Variants in TBC1D5 observed in about 807,000 individuals in gnomAD.
The protein encoded by TBC1D5 is TBC1 domain family, member 5.
In TBC1D5, 75 loss-of-function variants were observed where a neutral mutation model predicts 100.3. The ratio of observed to expected loss-of-function variants is 0.75; its 90% CI spans 0.62 to 0.91. The LOEUF (loss-of-function observed/expected upper bound fraction) is 0.91, where lower values mean the gene tolerates loss of function less well. Among genes scored for constraint, TBC1D5 ranks in the 40% least tolerant of loss-of-function variants. The pLI, the probability that TBC1D5 is intolerant of heterozygous loss-of-function variation, is 0.00. For synonymous variants in TBC1D5, 323 were observed against 325.6 expected, an observed-to-expected ratio of 0.99 and a Z score of 0.09; for missense variants, 910 against 942.4, an observed-to-expected ratio of 0.97 and a Z score of 0.45.
At chr3:17,329,883 A>G (rs570198487) in intron 13 of TBC1D5, among the ~76,000 whole-genome samples, 1 of 152,348 alleles carries the variant, frequency 6.6e-6, no homozygotes, top group South Asian at 2.1e-4. Context: ...GATAAAACAT[A>G]GCATTAATTT....
chr3:17,598,372 G>A (rs1230284317), intron 2 of TBC1D5, among the ~76,000 whole-genome samples: 1 of 152,098 alleles, frequency 6.6e-6, no homozygotes, highest in Admixed American at 6.5e-5. Flanking sequence ...CAAGATTTTT[G>A]AAGAAATTAT....
chr3:17,585,359 G>A (rs2096726532), intron 2 of TBC1D5, among the ~76,000 whole-genome samples: 1 of 152,060 alleles, frequency 6.6e-6, no homozygotes, highest in African/African-American at 2.4e-5. Context: ...AATTTAGACA[G>A]ACAAAACAAA....
intron 3 of TBC1D5, among the ~76,000 whole-genome samples, chr3:17,454,394 C>A (rs2095002427): frequency 6.6e-6 from 1 of 152,072 alleles, no homozygotes; most frequent in East Asian, 1.9e-4. Flanking sequence ...CAAAAAAAAA[C>A]TAGTAGAACT....
rs1332377423 is a variant in TBC1D5, at chr3:17,501,604, A to G, written c.97+6870T>C. ...CTTCTCCCTTGACTCCATCCCTTCT[A>G]AAATTGTCTACCCTGCCCTCTGCAA... On this transcript the variant is annotated intron_variant, in intron 3 of 21. Coordinates refer to ENST00000253692, the Ensembl canonical transcript of TBC1D5. Among the ~76,000 whole-genome samples, 2 of 148,858 alleles carry G rather than the reference A, an allele frequency of 1.3e-5. 1 individual carries two copies. The highest frequency in any genetic ancestry group is 5.1e-5 in the African/African-American group (2 of 38,940).
At chr3:17,703,427 A>T (rs1050886793) in intron 1 of TBC1D5, among the ~76,000 whole-genome samples, 3 of 152,158 alleles carry the variant, frequency 2.0e-5, no homozygotes, top group Non-Finnish European at 4.4e-5. Context: ...AATTTTTAAG[A>T]TATATTAAAC....
chr3:17,454,712 G>A (rs1170448948), intron 3 of TBC1D5, among the ~76,000 whole-genome samples: 1 of 151,996 alleles, frequency 6.6e-6, no homozygotes, highest in Non-Finnish European at 1.5e-5. Flanking sequence ...CGCCTGCCTC[G>A]GCATCCCAAA....
At chr3:17,272,171 A>C (rs1277043678) in intron 15 of TBC1D5, among the ~76,000 whole-genome samples, 1 of 152,206 alleles carries the variant, frequency 6.6e-6, no homozygotes, top group East Asian at 1.9e-4. Flanking sequence ...CAGCTGTTAC[A>C]CTGTGACTTA....
At chr3:17,462,081 A>C (rs1377176082) in intron 3 of TBC1D5, among the ~76,000 whole-genome samples, 1 of 152,058 alleles carries the variant, frequency 6.6e-6, no homozygotes, top group Non-Finnish European at 1.5e-5. Flanking sequence ...ATTTTAAAAA[A>C]TTTACTTATT....
At chr3:17,185,167 C>T (rs748907712) in exon 19 of TBC1D5, 2 of 1,613,672 alleles carry the variant, frequency 1.2e-6, no homozygotes, top group Middle Eastern at 1.7e-4. Context: ...GGTCATTCAA[C>T]TGCCCTTGAA....
chr3:17,323,825 C>A (rs2085739154), intron 13 of TBC1D5, among the ~76,000 whole-genome samples: 1 of 151,978 alleles, frequency 6.6e-6, no homozygotes, highest in South Asian at 2.1e-4. Flanking sequence ...AACAGGCTGA[C>A]CCTAAAATGT....
chr3:17,410,157 T>C (rs796924626), intron 4 of TBC1D5, among the ~76,000 whole-genome samples: 2 of 152,266 alleles, frequency 1.3e-5, no homozygotes, highest in African/African-American at 4.8e-5. Flanking sequence ...CTGAAAGTCC[T>C]AGAGACCTTA....
intron 1 of TBC1D5, among the ~76,000 whole-genome samples, chr3:17,680,413 G>C (rs761029424): frequency 4.0e-5 from 6 of 150,726 alleles, no homozygotes; most frequent in East Asian, 1.9e-4. Flanking sequence ...TATTTGTAGA[G>C]ATAGGATCTC....
intron 14 of TBC1D5, among the ~76,000 whole-genome samples, chr3:17,306,055 T>C (rs1451951150): frequency 1.3e-5 from 2 of 152,214 alleles, no homozygotes; most frequent in African/African-American, 2.4e-5. Flanking sequence ...ACTCTAATAA[T>C]ACCAAACAGC....
intron 2 of TBC1D5, among the ~76,000 whole-genome samples, chr3:17,600,278 T>G (rs375552164): frequency 2.0e-4 from 31 of 152,330 alleles, no homozygotes; most frequent in African/African-American, 6.7e-4. Flanking sequence ...ATAAACCAAC[T>G]GAATTGTCAG....
chr3:17,422,365 T>C (rs952994404), intron 4 of TBC1D5, among the ~76,000 whole-genome samples: 39 of 151,822 alleles, frequency 2.6e-4, no homozygotes, highest in Non-Finnish European at 5.2e-4. Flanking sequence ...TTTTTTTTTT[T>C]CAGTAGAGAC....
At chr3:17,610,392 G>T (rs1452237106) in intron 2 of TBC1D5, among the ~76,000 whole-genome samples, 1 of 152,108 alleles carries the variant, frequency 6.6e-6, no homozygotes, top group Non-Finnish European at 1.5e-5. Context: ...TCACCATGCT[G>T]ACCAGGCTAG....
At chr3:17,627,980 A>G (rs1237212644) in intron 1 of TBC1D5, among the ~76,000 whole-genome samples, 2 of 152,194 alleles carry the variant, frequency 1.3e-5, no homozygotes, top group African/African-American at 4.8e-5. Context: ...GTCAGTATCC[A>G]TATAAATTAT....
chr3:17,615,698 T>A (rs887715914), intron 2 of TBC1D5, among the ~76,000 whole-genome samples: 1 of 152,248 alleles, frequency 6.6e-6, no homozygotes, highest in East Asian at 1.9e-4. Context: ...TATTCTCTGA[T>A]GGTAGTTTGT....
At chr3:17,698,227 G>A (rs979997123) in intron 1 of TBC1D5, among the ~76,000 whole-genome samples, 4 of 152,182 alleles carry the variant, frequency 2.6e-5, no homozygotes, top group African/African-American at 9.6e-5. Flanking sequence ...AGAGCCCTCA[G>A]AAATAACGCC....
Sources: gnomAD v4.1 joint callset for allele counts (sites outside exome capture counted in the v4.1 genomes callset) on GRCh38, gnomAD v4.1.1 for gene constraint, MANE v1.5 for transcripts, NCBI Gene and HGNC (gene_info 2026-07-23, HGNC 2026-07-21) for gene names.